The following NELL1 variants were observed in gnomAD, a reference collection of about 807,000 sequenced individuals.
The protein encoded by NELL1 is protein kinase C-binding protein NELL1.
Under a neutral mutation model 107.4 loss-of-function variants are expected in NELL1, and 76 were observed. The observed-to-expected ratio is 0.71, with a 90% CI of 0.59 to 0.86. The LOEUF is 0.86. NELL1 is among the 40% of genes least tolerant of loss of function. NELL1 has a pLI of 0.00. For synonymous variants in NELL1, 353 were observed against 341.2 expected (o/e 1.03, Z -0.38); for missense variants, 1,024 against 1,005.5 (o/e 1.02, Z -0.25).
intron 15 of NELL1, among the ~76,000 whole-genome samples, chr11:21,372,983 A>AC (rs1851391289): frequency 6.6e-6 from 1 of 152,056 alleles, no homozygotes; most frequent in East Asian, 1.9e-4. Context: ...ACCAGGGAAA[A>AC]AGTTAGACAG....
chr11:20,863,433 T>C (rs12807707), intron 4 of NELL1, among the ~76,000 whole-genome samples: 328 of 31,608 alleles, frequency 0.01, 92 homozygotes, highest in Non-Finnish European at 0.029. Flanking sequence ...CCAGAAGGGG[T>C]GGCTGCTGGG....
At chr11:21,202,758 A>C (rs1857298741) in intron 13 of NELL1, among the ~76,000 whole-genome samples, 1 of 152,202 alleles carries the variant, frequency 6.6e-6, no homozygotes, top group African/African-American at 2.4e-5. Flanking sequence ...CCTTGTGGGC[A>C]TTTAGTGGTA....
chr11:21,298,902 G>T (rs1203403954), intron 14 of NELL1, among the ~76,000 whole-genome samples: 1 of 151,892 alleles, frequency 6.6e-6, no homozygotes, highest in Non-Finnish European at 1.5e-5. Flanking sequence ...AAGATTATCT[G>T]CTCTCCATCT....
chr11:20,961,807 G>A (rs1041813340), intron 12 of NELL1, among the ~76,000 whole-genome samples: 6 of 152,068 alleles, frequency 3.9e-5, no homozygotes, highest in Admixed American at 6.6e-5. Flanking sequence ...GTAGATTTGG[G>A]TATACACAGG....
At chr11:21,495,464 ATAT>A (rs1854953166) in intron 15 of NELL1, among the ~76,000 whole-genome samples, 1 of 152,100 alleles carries the variant, frequency 6.6e-6, no homozygotes, top group African/African-American at 2.4e-5. Context: ...TCCACTACTA[ATAT>A]TATGTACCAG....
intron 3 of NELL1, among the ~76,000 whole-genome samples, chr11:20,844,087 C>A (rs140723628): frequency 1.1e-3 from 175 of 152,288 alleles, no homozygotes; most frequent in African/African-American, 3.9e-3. Flanking sequence ...CAGCTCAGAG[C>A]AAAGCAGGTG....
chr11:21,307,313 A>G (rs1849626581), intron 14 of NELL1, among the ~76,000 whole-genome samples: 1 of 151,792 alleles, frequency 6.6e-6, no homozygotes, highest in South Asian at 2.1e-4. Flanking sequence ...TTTGCAGCTA[A>G]CCCTGGATGT....
At chr11:21,033,696 G>C (rs1285902903) in intron 12 of NELL1, among the ~76,000 whole-genome samples, 1 of 152,072 alleles carries the variant, frequency 6.6e-6, no homozygotes, top group African/African-American at 2.4e-5. Context: ...GTGCTGCAAT[G>C]AGTATACACG....
intron 14 of NELL1, among the ~76,000 whole-genome samples, chr11:21,302,021 G>A (rs369724840): frequency 6.4e-4 from 97 of 152,096 alleles, no homozygotes; most frequent in African/African-American, 2.2e-3. Flanking sequence ...TCCATGCTTG[G>A]CTCTTAAGCC....
intron 4 of NELL1, among the ~76,000 whole-genome samples, chr11:20,872,190 T>TTTTG (rs1849214671): frequency 9.4e-6 from 1 of 106,560 alleles, no homozygotes; most frequent in African/African-American, 2.9e-5. Flanking sequence ...TTTTTTTTTT[T>TTTTG]GGAGACATGG....
At chr11:21,068,292 A>G (rs1473212216) in intron 12 of NELL1, among the ~76,000 whole-genome samples, 3 of 152,104 alleles carry the variant, frequency 2.0e-5, no homozygotes, top group Non-Finnish European at 4.4e-5. Context: ...TTTTACATAT[A>G]TTACCTCATT....
intron 15 of NELL1, among the ~76,000 whole-genome samples, chr11:21,476,147 T>G (rs984427328): frequency 6.6e-6 from 1 of 152,112 alleles, no homozygotes; most frequent in African/African-American, 2.4e-5. Flanking sequence ...CCAATATCAT[T>G]TGCATTAAAC....
At chr11:21,291,177 G>C (rs867493182) in intron 14 of NELL1, among the ~76,000 whole-genome samples, 1 of 152,148 alleles carries the variant, frequency 6.6e-6, no homozygotes, top group Non-Finnish European at 1.5e-5. Flanking sequence ...GAACATAGCA[G>C]GAGAACTTTG....
chr11:21,247,025 A>G (rs1007728384), intron 14 of NELL1, among the ~76,000 whole-genome samples: 46 of 152,242 alleles, frequency 3.0e-4, no homozygotes, highest in Admixed American at 2.6e-3. Flanking sequence ...GACACAGCCA[A>G]ACCATATCAA....
rs535414761 is a variant in NELL1 at position 20,976,639 on chromosome 11, C to T, written c.1300+16079C>T. 1.7e-3 allele frequency among the ~76,000 whole-genome samples: 252 copies of T among 152,268 alleles called. 1 individual carries two copies. The highest frequency in any genetic ancestry group is 3.0e-3 in the Non-Finnish European group (207 of 68,018). On this transcript the variant is annotated intron_variant, in intron 12 of 19. Transcript: ENST00000357134. ...AAAGCTCACTGCAAACTGTGTTTAA[C>T]ATAGCATCTGTTTAACTTACTTGTA...
chr11:21,473,389 C>A (rs893176696), intron 15 of NELL1, among the ~76,000 whole-genome samples: 1 of 152,028 alleles, frequency 6.6e-6, no homozygotes, highest in Admixed American at 6.6e-5. Context: ...TGGATCTTAA[C>A]CACCATCTAG....
intron 14 of NELL1, among the ~76,000 whole-genome samples, chr11:21,242,646 G>T (rs1184918740): frequency 6.6e-6 from 1 of 152,056 alleles, no homozygotes; most frequent in African/African-American, 2.4e-5. Context: ...ATCTCTTGTA[G>T]GCCTACACGT....
chr11:21,194,197 T>C (rs1450769946), intron 13 of NELL1, among the ~76,000 whole-genome samples: 1 of 151,068 alleles, frequency 6.6e-6, no homozygotes, highest in African/African-American at 2.5e-5. Flanking sequence ...TCTGGAGGCC[T>C]ACCCTGTAGC....
chr11:20,815,599 T>C (rs540784821), intron 3 of NELL1, among the ~76,000 whole-genome samples: 29 of 152,308 alleles, frequency 1.9e-4, no homozygotes, highest in Middle Eastern at 3.4e-3. Flanking sequence ...TCCCATTCTG[T>C]AGGTTGTCTT....
Sources: gnomAD v4.1 joint callset for allele counts (sites outside exome capture counted in the v4.1 genomes callset) on GRCh38, gnomAD v4.1.1 for gene constraint, MANE v1.5 for transcripts, NCBI Gene and HGNC (gene_info 2026-07-23, HGNC 2026-07-21) for gene names.